Variants in RAMACL observed in about 807,000 individuals in gnomAD.
The protein encoded by RAMACL is RNA guanine-7 methyltransferase activating subunit like.
A neutral mutation model predicts 13.4 loss-of-function variants in RAMACL; 9 were observed. The observed-to-expected ratio is 0.67, with a 90% CI of 0.41 to 1.17. The LOEUF is 1.17. Ranked by LOEUF, RAMACL falls within the 50% of genes most tolerant of loss-of-function variation. The probability of loss-of-function intolerance (pLI) is 0.01; values close to 1 mark genes in which losing one functional copy is unlikely to be tolerated. For missense variants in RAMACL, 124 were observed against 141.6 expected (o/e 0.88, Z 0.63); for synonymous variants, 39 against 49.3 (o/e 0.79, Z 0.88).
chr6:166,584,021 A>G (rs1292005607), downstream of RAMACL, among the ~76,000 whole-genome samples: 2 of 152,234 alleles, frequency 1.3e-5, no homozygotes, highest in African/African-American at 4.8e-5. Flanking sequence ...GTGTGCAACG[A>G]AACAAGGTTA....
chr6:166,584,847 G>A (rs77234597), downstream of RAMACL, among the ~76,000 whole-genome samples: 1,796 of 152,254 alleles, frequency 0.012, 40 homozygotes, highest in African/African-American at 0.04. Context: ...TGCAATATTG[G>A]TCCAGAAACT....
downstream of RAMACL, among the ~76,000 whole-genome samples, chr6:166,583,683 A>G (rs1276060594): frequency 6.6e-6 from 1 of 152,350 alleles, no homozygotes; most frequent in Admixed American, 6.5e-5. Flanking sequence ...CAATGGCCAA[A>G]AGAGACAAGA....
exon 1 of RAMACL, chr6:166,586,344 C>T: frequency 6.3e-7 from 1 of 1,599,540 alleles, no homozygotes; most frequent in Non-Finnish European, 8.5e-7. Context: ...ACCAGCTCTG[C>T]TATTCCATTC....
chr6:166,586,209 T>C, exon 1 of RAMACL: 1 of 1,589,928 alleles, frequency 6.3e-7, no homozygotes, highest in Non-Finnish European at 8.5e-7. Context: ...TTGCGGGTAG[T>C]TGTTACCCCA....
At chr6:166,586,002 C>CA in exon 1 of RAMACL, 4 of 532,308 alleles carry the variant, frequency 7.5e-6, no homozygotes, top group Non-Finnish European at 1.1e-5. Flanking sequence ...TCTCAACTTC[C>CA]AAAAAATCAA....
chr6:166,584,849 C>G (rs569615774), downstream of RAMACL, among the ~76,000 whole-genome samples: 2 of 152,146 alleles, frequency 1.3e-5, no homozygotes, highest in East Asian at 1.9e-4. Flanking sequence ...CAATATTGGT[C>G]CAGAAACTCA....
exon 1 of RAMACL, among the ~76,000 whole-genome samples, chr6:166,585,628 T>C (rs1483994669): frequency 1.6e-5 from 1 of 63,576 alleles, no homozygotes; most frequent in African/African-American, 1.2e-4. Flanking sequence ...ACTTAACAAA[T>C]GCAAAAAAAA....
chr6:166,584,663 T>C (rs780518117), downstream of RAMACL, among the ~76,000 whole-genome samples: 9 of 152,252 alleles, frequency 5.9e-5, no homozygotes, highest in East Asian at 1.9e-4. Flanking sequence ...CTATCTGTGA[T>C]TGTGATCTTT....
downstream of RAMACL, among the ~76,000 whole-genome samples, chr6:166,585,140 C>A (rs1266285131): frequency 6.6e-6 from 1 of 152,208 alleles, no homozygotes; most frequent in African/African-American, 2.4e-5. Context: ...ATAAGTAACA[C>A]ATTTTTCCTT....
chr6:166,586,254 C>A (rs1785168637), exon 1 of RAMACL: 15 of 1,596,276 alleles, frequency 9.4e-6, no homozygotes, highest in South Asian at 2.2e-5. Context: ...TCGATTGTCA[C>A]TTGGCCACCC....
At chr6:166,585,629 G>GA (rs1785149928) in exon 1 of RAMACL, among the ~76,000 whole-genome samples, 2 of 50,548 alleles carry the variant, frequency 4.0e-5, no homozygotes, top group African/African-American at 1.6e-4. Context: ...CTTAACAAAT[G>GA]CAAAAAAAAA....
downstream of RAMACL, among the ~76,000 whole-genome samples, chr6:166,583,948 G>A (rs1465108996): frequency 1.3e-5 from 2 of 152,188 alleles, no homozygotes; most frequent in Non-Finnish European, 2.9e-5. Context: ...TAGTGATAGT[G>A]ACCCTCTAAG....
At chr6:166,586,136 A>G in exon 1 of RAMACL, 1 of 1,515,340 alleles carries the variant, frequency 6.6e-7, no homozygotes, top group Non-Finnish European at 8.8e-7. Flanking sequence ...AGTAACCGTA[A>G]GGAGGCCGCT....
At chr6:166,584,488 A>G (rs944326363), downstream of RAMACL, among the ~76,000 whole-genome samples, 2 of 152,150 alleles carry the variant, frequency 1.3e-5, no homozygotes, top group African/African-American at 2.4e-5. Context: ...TGACAGGGAC[A>G]CTCTAAATGT....
chr6:166,584,720 A>G (rs1165392744), downstream of RAMACL, among the ~76,000 whole-genome samples: 1 of 152,226 alleles, frequency 6.6e-6, no homozygotes, highest in Non-Finnish European at 1.5e-5. Flanking sequence ...TAACGGAAAC[A>G]AAGGAGCTAC....
At chr6:166,586,578 G>T in exon 1 of RAMACL, 1 of 1,121,120 alleles carries the variant, frequency 8.9e-7, no homozygotes, top group Non-Finnish European at 1.2e-6. Context: ...GAACCCCGCC[G>T]GCGAGACACT....
downstream of RAMACL, among the ~76,000 whole-genome samples, chr6:166,584,528 A>G (rs1002055764): frequency 2.0e-5 from 3 of 152,222 alleles, no homozygotes; most frequent in Non-Finnish European, 2.9e-5. Flanking sequence ...CACTTTTTAT[A>G]GCTCTATTAG....
At chr6:166,585,606 A>G (rs1036854896) in exon 1 of RAMACL, among the ~76,000 whole-genome samples, 1 of 106,812 alleles carries the variant, frequency 9.4e-6, no homozygotes, top group African/African-American at 5.6e-5. Context: ...GGAATCACAA[A>G]GTACCATAGT....
At chr6:166,583,549 G>C (rs945589670), downstream of RAMACL, among the ~76,000 whole-genome samples, 1 of 152,178 alleles carries the variant, frequency 6.6e-6, no homozygotes, top group Non-Finnish European at 1.5e-5. Flanking sequence ...TCTACACCAG[G>C]GTTCCCCACC....
Sources: gnomAD v4.1 joint callset for allele counts (sites outside exome capture counted in the v4.1 genomes callset) on GRCh38, gnomAD v4.1.1 for gene constraint, MANE v1.5 for transcripts, NCBI Gene and HGNC (gene_info 2026-07-23, HGNC 2026-07-21) for gene names.